Variants in FCN2 observed in about 807,000 individuals in gnomAD.
FCN2 encodes the protein ficolin-2.
In FCN2, 31 loss-of-function variants were observed where a neutral mutation model predicts 32.5. The ratio of observed to expected loss-of-function variants is 0.96; its 90% CI spans 0.72 to 1.29. The LOEUF is 1.29. Ranked by LOEUF, FCN2 falls within the 50% of genes most tolerant of loss-of-function variation. FCN2 has a pLI of 0.00. For missense variants in FCN2, 412 were observed against 406.5 expected, an observed-to-expected ratio of 1.01 and a Z score of -0.12; for synonymous variants, 181 against 164.5, an observed-to-expected ratio of 1.10 and a Z score of -0.77.
chr9:134,884,701 CA>C (rs1830716951), intron 3 of FCN2, 38 bp from the exon 4 acceptor site: 2 of 1,610,292 alleles, frequency 1.2e-6, no homozygotes, highest in African/African-American at 1.3e-5. Flanking sequence ...CTCTGATTTC[CA>C]AACTGTGACA....
At chr9:134,882,750 T>C in intron 2 of FCN2, 111 bp downstream of exon 2, 1 of 725,342 alleles carries the variant, frequency 1.4e-6, no homozygotes. Flanking sequence ...GTCAGGCCCC[T>C]GCAAGAGCCA....
At chr9:134,885,642 G>A (rs1486386540) in intron 5 of FCN2, 126 bp from the exon 6 acceptor site, 6 of 1,320,096 alleles carry the variant, frequency 4.5e-6, no homozygotes, top group Non-Finnish European at 6.3e-6. Context: ...GAACAGGTGG[G>A]CGTGCTGGTG....
chr9:134,870,332 G>A, the FCN2 span, among the ~76,000 whole-genome samples: 1 of 152,142 alleles, frequency 6.6e-6, no homozygotes, highest in Non-Finnish European at 1.5e-5. This position sits in a 1 kb window ranked among gnomAD's most constrained non-coding sequence, Gnocchi z 4.3. Flanking sequence ...GCAGAGGTCC[G>A]TGGGCTCACT....
At chr9:134,877,644 C>T (rs1233184998), upstream of FCN2, among the ~76,000 whole-genome samples, 2 of 152,180 alleles carry the variant, frequency 1.3e-5, no homozygotes, top group Non-Finnish European at 2.9e-5. Flanking sequence ...TGGCCGTGTT[C>T]TCCATTTCTC....
At position 134,887,153 on chromosome 9, in the gene FCN2, T is replaced by C; in HGVS notation, c.695-15T>C. 1.2e-6 allele frequency: 2 copies of C among 1,613,956 alleles called. No individual in the cohort carries two copies. The highest frequency in any genetic ancestry group is 1.7e-6 in the Non-Finnish European group (2 of 1,179,980). ...GTTACTGCCTGTAACGATGCTCACA[T>C]TTCCTCCTGCACAGGAGATTCCCTG... On this transcript the variant is annotated splice_polypyrimidine_tract_variant and intron_variant, in intron 7 of 7. Coordinates refer to ENST00000291744, the MANE Select transcript of FCN2 (RefSeq NM_004108.3).
the FCN2 span, among the ~76,000 whole-genome samples, chr9:134,866,636 A>C: frequency 1.3e-5 from 2 of 150,038 alleles, no homozygotes; most frequent in African/African-American, 4.9e-5. Context: ...AAAATTGACA[A>C]ATGGGATCTA....
upstream of FCN2, among the ~76,000 whole-genome samples, chr9:134,876,381 C>T (rs79836736): frequency 3.2e-3 from 490 of 152,230 alleles, 1 homozygote; most frequent in African/African-American, 0.011. Flanking sequence ...TAGATTTCAT[C>T]AGTGACGCTG....
intron 1 of FCN2, 49 bp downstream of exon 1, chr9:134,880,970 C>A (rs748906683): frequency 2.1e-6 from 3 of 1,399,194 alleles, no homozygotes; most frequent in East Asian, 4.7e-5. Flanking sequence ...TCCCTGAAAG[C>A]TGGCAGCTTC....
intron 7 of FCN2, 21 bp downstream of exon 7, chr9:134,886,585 G>C (rs767651935): frequency 3.7e-6 from 6 of 1,613,176 alleles, no homozygotes; most frequent in Non-Finnish European, 4.2e-6. Flanking sequence ...GCTTGGGGCT[G>C]TGTGGCCTGG....
At chr9:134,883,692 T>A (rs1449145931) in intron 3 of FCN2, among the ~76,000 whole-genome samples, 1 of 139,710 alleles carries the variant, frequency 7.2e-6, no homozygotes, top group Non-Finnish European at 1.6e-5. Flanking sequence ...TAGGGAGAGG[T>A]TCTTGGGGTG....
chr9:134,885,462 C>T, intron 5 of FCN2, 96 bp downstream of exon 5: 2 of 1,540,382 alleles, frequency 1.3e-6, no homozygotes, highest in Non-Finnish European at 1.8e-6. Context: ...TCTCTATTCT[C>T]CTGGTCGGGG....
intron 3 of FCN2, among the ~76,000 whole-genome samples, chr9:134,883,864 G>A (rs778035693): frequency 8.5e-6 from 1 of 117,898 alleles, no homozygotes; most frequent in Non-Finnish European, 1.7e-5. Flanking sequence ...TGGGGGGGCT[G>A]TCTGTATGGG....
chr9:134,873,698 C>T, the FCN2 span, among the ~76,000 whole-genome samples: 1 of 152,170 alleles, frequency 6.6e-6, no homozygotes. Flanking sequence ...TGTTAAGCTG[C>T]CTATTCTCCT....
In FCN2 at chr9:134,887,375, A is replaced by T; in HGVS notation, c.902A>T (p.Tyr301Phe). Residue 301 changes from tyrosine to phenylalanine, a missense_variant, in exon 8 of 8, where the codon TAT becomes TTT. By Grantham distance (22) the Tyr-to-Phe change is conservative (BLOSUM62 3). Transcript: ENST00000291744. ...TGGAAGTCGGGGAAAGGATACAATT[A>T]TAGCTACAAGGTGTCAGAGATGAAG... is the stretch of plus-strand genomic sequence containing the variant. ...INWKSGKGYN[Y>F]SYKVSEMKVR... 1 of 1,614,106 alleles carries T rather than the reference A, an allele frequency of 6.2e-7. No individual in the cohort carries two copies. The highest frequency in any genetic ancestry group is 8.5e-7 in the Non-Finnish European group (1 of 1,180,016).
chr9:134,872,488 G>A, the FCN2 span, among the ~76,000 whole-genome samples: 7 of 152,326 alleles, frequency 4.6e-5, no homozygotes, highest in Non-Finnish European at 1.0e-4. Flanking sequence ...GTATTAGCCC[G>A]TTCTCACACT....
intron 7 of FCN2, 145 bp downstream of exon 7, chr9:134,886,709 C>T: frequency 1.1e-6 from 1 of 906,774 alleles, no homozygotes; most frequent in Non-Finnish European, 1.7e-6. Flanking sequence ...CAGACACTAA[C>T]ATCTGTGCTC....
chr9:134,885,984 G>A lies in FCN2; in HGVS notation c.559+87G>A, dbSNP rs537172234. 787 of 1,393,676 alleles carry A rather than the reference G, an allele frequency of 5.6e-4. 2 individuals are homozygous for A. The highest frequency in any genetic ancestry group is 7.3e-4 in the Non-Finnish European group (744 of 1,024,002). 86.3% of individuals were successfully genotyped at this position (1,393,676 alleles called of 1,614,324 possible). A position where few individuals can be genotyped will look rare whatever the true frequency, so the allele number is the denominator to read the frequency against. On this transcript the variant is annotated intron_variant, in intron 6 of 7. Coordinates refer to ENST00000291744, the MANE Select transcript of FCN2 (RefSeq NM_004108.3). Reference sequence around the variant, plus strand: ...GGCCTGGGCTGCCTGGAACACAAGAGCCTCTTGGCCCACAGGGGATTGGGC... The same window carrying A: ...GGCCTGGGCTGCCTGGAACACAAGAACCTCTTGGCCCACAGGGGATTGGGC...
At chr9:134,883,404 T>C in intron 3 of FCN2, 49 bp downstream of exon 3, 3 of 1,533,994 alleles carry the variant, frequency 2.0e-6, no homozygotes, top group Non-Finnish European at 2.7e-6. Flanking sequence ...CTTCCAGACC[T>C]GGCTGCAGAG....
the FCN2 span, among the ~76,000 whole-genome samples, chr9:134,875,076 A>G: frequency 0.02 from 3,056 of 152,284 alleles, 81 homozygotes; most frequent in African/African-American, 0.069. Flanking sequence ...TTGTAGTTCT[A>G]GCAGATTTTT....
Sources: allele counts gnomAD v4.1 joint callset (sites outside exome capture counted in the v4.1 genomes callset), GRCh38; gene constraint gnomAD v4.1.1; non-coding constraint Gnocchi (gnomAD v3.1); transcripts MANE v1.5; gene names NCBI Gene and HGNC (gene_info 2026-07-23, HGNC 2026-07-21).